The following PKP4 variants were observed in gnomAD, a reference collection of about 807,000 sequenced individuals.
The protein encoded by PKP4 is plakophilin-4.
PKP4 carries 90 observed loss-of-function variants against 145.1 expected under a neutral mutation model. That is an observed-to-expected ratio of 0.62 (90% CI 0.52 to 0.74). The LOEUF (loss-of-function observed/expected upper bound fraction) is 0.74, where lower values mean the gene tolerates loss of function less well. Ranked by LOEUF, PKP4 falls within the 30% of genes least tolerant of loss-of-function variation. PKP4 has a pLI of 0.00. For synonymous variants in PKP4, 563 were observed against 577.2 expected (o/e 0.98, Z 0.35); for missense variants, 1,340 against 1,482.7 (o/e 0.90, Z 1.58).
chr2:158,514,138 G>C (rs920489427), intron 1 of PKP4, among the ~76,000 whole-genome samples: 1 of 152,166 alleles, frequency 6.6e-6, no homozygotes, highest in Admixed American at 6.5e-5. Flanking sequence ...ACACAGATAT[G>C]TTGTCATATC....
At chr2:158,562,398 A>G (rs1198156277) in intron 2 of PKP4, among the ~76,000 whole-genome samples, 7 of 152,256 alleles carry the variant, frequency 4.6e-5, no homozygotes. Flanking sequence ...AAAGACAAAT[A>G]GTATATACAT....
intron 2 of PKP4, among the ~76,000 whole-genome samples, chr2:158,567,121 G>C (rs1042176213): frequency 5.3e-5 from 8 of 152,140 alleles, no homozygotes; most frequent in Non-Finnish European, 1.0e-4. Context: ...GTTTGTTGTT[G>C]TTGTTGTTTT....
At chr2:158,464,747 T>G (rs1690324463) in intron 1 of PKP4, among the ~76,000 whole-genome samples, 2 of 152,244 alleles carry the variant, frequency 1.3e-5, no homozygotes, top group Non-Finnish European at 1.5e-5. Flanking sequence ...AAATGGATCA[T>G]GTGTTCTGAC....
chr2:158,642,334 AT>A, intron 10 of PKP4, 151 bp from the exon 11 acceptor site: 1 of 568,240 alleles, frequency 1.8e-6, no homozygotes. Flanking sequence ...TCTCCTTAGA[AT>A]GTATAAAAGT....
chr2:158,485,902 G>A (rs1694097735), intron 1 of PKP4, among the ~76,000 whole-genome samples: 1 of 152,126 alleles, frequency 6.6e-6, no homozygotes, highest in Admixed American at 6.5e-5. Flanking sequence ...TCTAATTAAG[G>A]TTATGTTTAC....
intron 1 of PKP4, among the ~76,000 whole-genome samples, chr2:158,514,823 C>A (rs578011371): frequency 6.6e-5 from 10 of 152,250 alleles, no homozygotes; most frequent in Middle Eastern, 3.4e-3. Flanking sequence ...CGTCTGTAAT[C>A]CCAGCTACTC....
At chr2:158,610,345 T>G (rs1264108221) in intron 4 of PKP4, among the ~76,000 whole-genome samples, 2 of 152,180 alleles carry the variant, frequency 1.3e-5, no homozygotes, top group African/African-American at 4.8e-5. Context: ...CCATCAAAAT[T>G]TGAGGTAACT....
chr2:158,586,401 A>G (rs2048807560), intron 3 of PKP4, among the ~76,000 whole-genome samples: 1 of 152,050 alleles, frequency 6.6e-6, no homozygotes, highest in Non-Finnish European at 1.5e-5. Flanking sequence ...ATGCTTGTTT[A>G]TTGGTGGGTT....
chr2:158,521,421 G>GA (rs1432167636), intron 1 of PKP4, among the ~76,000 whole-genome samples: 12 of 152,056 alleles, frequency 7.9e-5, no homozygotes, highest in Non-Finnish European at 1.5e-4. Flanking sequence ...TATTTCTAGT[G>GA]AAAAATAAAT....
chr2:158,518,496 C>T (rs1258749913), intron 1 of PKP4, among the ~76,000 whole-genome samples: 1 of 152,158 alleles, frequency 6.6e-6, no homozygotes, highest in Non-Finnish European at 1.5e-5. Flanking sequence ...ATTTCTTCCC[C>T]CTGAGATAAA....
chr2:158,632,969 C>A (rs886770), intron 8 of PKP4, among the ~76,000 whole-genome samples: 118,830 of 152,138 alleles, frequency 0.78, 49,047 homozygotes, highest in East Asian at 0.97. Context: ...TACCCACTGA[C>A]ATAATTAGTA....
At chr2:158,636,107 T>C (rs930842491) in intron 9 of PKP4, among the ~76,000 whole-genome samples, 10 of 152,138 alleles carry the variant, frequency 6.6e-5, no homozygotes, top group Non-Finnish European at 1.2e-4. Flanking sequence ...ATGATGCTTC[T>C]GAAAGGAGTA....
intron 1 of PKP4, among the ~76,000 whole-genome samples, chr2:158,492,808 A>G (rs1695140939): frequency 6.6e-6 from 1 of 152,250 alleles, no homozygotes; most frequent in African/African-American, 2.4e-5. Flanking sequence ...TTTACAGTAG[A>G]AAATGCAGAC....
intron 2 of PKP4, among the ~76,000 whole-genome samples, chr2:158,575,779 A>G (rs2047792621): frequency 6.6e-6 from 1 of 151,554 alleles, no homozygotes; most frequent in Non-Finnish European, 1.5e-5. Flanking sequence ...AAGTGAACAA[A>G]TAGAAGTCTA....
chr2:158,669,991 TA>T, intron 17 of PKP4, 76 bp downstream of exon 17: 1 of 1,129,372 alleles, frequency 8.9e-7, no homozygotes, highest in Non-Finnish European at 1.2e-6. Flanking sequence ...TTGTTGAGGA[TA>T]CCTTTCCTAT....
At chr2:158,509,049 T>C (rs898714078) in intron 1 of PKP4, among the ~76,000 whole-genome samples, 1 of 152,176 alleles carries the variant, frequency 6.6e-6, no homozygotes, top group Non-Finnish European at 1.5e-5. Context: ...TAGTTTATGG[T>C]CTTCAGATTA....
At chr2:158,537,428 G>T (rs562376853) in intron 2 of PKP4, among the ~76,000 whole-genome samples, 1 of 152,178 alleles carries the variant, frequency 6.6e-6, no homozygotes, top group Non-Finnish European at 1.5e-5. Flanking sequence ...TGTATCAGGT[G>T]ATACGGGTAA....
chr2:158,547,156 G>T (rs1237521323), intron 2 of PKP4, among the ~76,000 whole-genome samples: 1 of 151,982 alleles, frequency 6.6e-6, no homozygotes, highest in Admixed American at 6.6e-5. Context: ...TTACCCTATG[G>T]CCCAGCAGTT....
At chr2:158,520,577 G>A (rs1489810532) in intron 1 of PKP4, among the ~76,000 whole-genome samples, 1 of 152,084 alleles carries the variant, frequency 6.6e-6, no homozygotes, top group Non-Finnish European at 1.5e-5. Context: ...TCCATTCTGT[G>A]AGAAAACTAT....
Sources: allele counts gnomAD v4.1 joint callset (sites outside exome capture counted in the v4.1 genomes callset), GRCh38; gene constraint gnomAD v4.1.1; transcripts MANE v1.5; gene names NCBI Gene and HGNC (gene_info 2026-07-23, HGNC 2026-07-21).